The following PPL variants were observed in gnomAD, a reference collection of about 807,000 sequenced individuals.
PPL encodes the protein 190 kDa paraneoplastic pemphigus antigen.
In PPL, 198 loss-of-function variants were observed where a neutral mutation model predicts 194.4. The observed-to-expected ratio is 1.02, with a 90% confidence interval of 0.91 to 1.15. The LOEUF (loss-of-function observed/expected upper bound fraction) is 1.15, where lower values mean the gene tolerates loss of function less well. Among genes scored for constraint, PPL ranks in the 50% most tolerant of loss-of-function variants. The pLI, the probability that PPL is intolerant of heterozygous loss-of-function variation, is 0.00. For missense variants in PPL, 2,885 were observed against 2,294.8 expected (o/e 1.26, Z -5.25); for synonymous variants, 1,220 against 972.4 (o/e 1.25, Z -4.74).
intron 1 of PPL, among the ~76,000 whole-genome samples, chr16:4,925,481 C>T (rs1476687229): frequency 1.3e-5 from 2 of 152,206 alleles, no homozygotes; most frequent in Non-Finnish European, 2.9e-5. Context: ...AGTAGCCACC[C>T]TTAGTGTTAC....
chr16:4,893,180 C>T, intron 14 of PPL, 33 bp downstream of exon 14: 1 of 1,503,178 alleles, frequency 6.7e-7, no homozygotes, highest in South Asian at 1.2e-5. Flanking sequence ...CAGGGCTCCC[C>T]CGGCCCCACC....
chr16:4,901,578 A>C (rs1662465764), intron 4 of PPL, among the ~76,000 whole-genome samples: 1 of 152,058 alleles, frequency 6.6e-6, no homozygotes, highest in African/African-American at 2.4e-5. Flanking sequence ...AATCCCAGCT[A>C]CTTGAGAGGC....
At chr16:4,912,601 G>A (rs1217783941) in intron 1 of PPL, among the ~76,000 whole-genome samples, 2 of 152,244 alleles carry the variant, frequency 1.3e-5, no homozygotes, top group Admixed American at 6.5e-5. Flanking sequence ...AGAGTTAAAT[G>A]TGTTTACAAA....
At chr16:4,906,692 A>G (rs1209660263) in intron 2 of PPL, among the ~76,000 whole-genome samples, 2 of 152,262 alleles carry the variant, frequency 1.3e-5, no homozygotes, top group Admixed American at 6.5e-5. Context: ...GAAAGAGAAC[A>G]TCTAGCTGAG....
Position 4,885,779 on chromosome 16 carries a change from T to C in PPL, c.2876A>G (p.Glu959Gly). 2.5e-6 allele frequency: 4 copies of C among 1,610,744 alleles called. No individual in the cohort carries two copies. The highest frequency in any genetic ancestry group is 3.4e-6 in the Non-Finnish European group (4 of 1,180,002). ...SFQQLQRTLAEEQHKNQLLQE... is the reference protein window; with the variant it reads ...SFQQLQRTLAGEQHKNQLLQE... ...CAGCAGCTGGTTCTTGTGCTGCTCC[T>C]CTGCCAGCGTCCGCTGCAGCTGCTG... Residue 959 changes from glutamate to glycine, a missense_variant, in exon 22 of 22, where the codon GAG becomes GGG. By Grantham distance (98) the Glu-to-Gly change is moderately conservative (BLOSUM62 -2). Transcript: ENST00000345988. The surrounding 1 kb of genome is among the most constrained non-coding windows in gnomAD (Gnocchi z 6.3).
At chr16:4,906,085 G>C (rs142074259) in intron 2 of PPL, among the ~76,000 whole-genome samples, 1,527 of 152,232 alleles carry the variant, frequency 0.01, 25 homozygotes, top group African/African-American at 0.034. Flanking sequence ...TCCAGCCTTG[G>C]CGACAGAGCG....
chr16:4,898,126 G>A (rs749957775), intron 8 of PPL, among the ~76,000 whole-genome samples: 4 of 152,102 alleles, frequency 2.6e-5, no homozygotes, highest in African/African-American at 4.8e-5. Flanking sequence ...ACCTGTAATC[G>A]CAGCACTTTG....
intron 2 of PPL, among the ~76,000 whole-genome samples, chr16:4,905,204 A>G (rs2088658368): frequency 1.3e-5 from 2 of 152,164 alleles, no homozygotes; most frequent in Admixed American, 1.3e-4. Context: ...CCATCTCTAT[A>G]ATGGGCATAA....
intron 1 of PPL, among the ~76,000 whole-genome samples, chr16:4,920,688 C>T (rs142778610): frequency 1.3e-5 from 2 of 152,138 alleles, no homozygotes; most frequent in Non-Finnish European, 1.5e-5. Context: ...GTCTTGAACT[C>T]CTGATCAGGT....
intron 2 of PPL, among the ~76,000 whole-genome samples, chr16:4,904,801 G>T (rs947254501): frequency 3.3e-5 from 5 of 152,122 alleles, no homozygotes; most frequent in Non-Finnish European, 5.9e-5. Context: ...GACAGCAAGG[G>T]TGTGGGCTGG....
At chr16:4,923,989 G>T (rs1441240490) in intron 1 of PPL, among the ~76,000 whole-genome samples, 1 of 152,154 alleles carries the variant, frequency 6.6e-6, no homozygotes, top group African/African-American at 2.4e-5. Flanking sequence ...ACCTGTCTCA[G>T]CCTTAATTTC....
intron 1 of PPL, among the ~76,000 whole-genome samples, chr16:4,932,330 C>A (rs528429225): frequency 2.3e-4 from 35 of 152,224 alleles, no homozygotes; most frequent in Non-Finnish European, 4.7e-4. Flanking sequence ...GGCGTTCCTA[C>A]CAACACTGAT....
At position 4,891,928 on chromosome 16, in the gene PPL, C is replaced by T. The variant is rs1288273703; in HGVS notation, c.1851G>A (p.Leu617=). The change falls in exon 16 of 22, where the codon CTG becomes CTA. Residue 617 remains leucine, a synonymous_variant. Transcript: ENST00000345988. The part of the protein sequence containing the change: ...AQEKVDVANR[L]EKSLQQSWEL... ...CCCAGCTCTGCTGCAGGCTCTTCTCCAGGCGGTTGGCCACATCAACCCTGA... is the reference window on the plus strand; with the variant it reads ...CCCAGCTCTGCTGCAGGCTCTTCTCTAGGCGGTTGGCCACATCAACCCTGA... 2.7e-5 allele frequency: 43 copies of T among 1,613,142 alleles called. No individual in the cohort carries two copies. The highest frequency in any genetic ancestry group is 3.6e-5 in the Non-Finnish European group (42 of 1,179,936).
intron 2 of PPL, 93 bp from the exon 3 acceptor site, chr16:4,904,133 G>A (rs746805749): frequency 3.1e-5 from 42 of 1,340,902 alleles, no homozygotes; most frequent in Non-Finnish European, 3.7e-5. Context: ...TCAGCAGGGT[G>A]CTCCCCTTCT....
In PPL at chr16:4,904,025, G is replaced by A; in HGVS notation, c.178C>T (p.Gln60Ter). The A allele has an allele frequency of 1.2e-6, 2 of 1,612,156 alleles. No homozygotes were observed. The highest frequency in any genetic ancestry group is 1.6e-4 in the Middle Eastern group (1 of 6,062). ...CGGTGCTCAGGCTGCCGACCCTCCT[G>A]CAGCCGAGCCAGGTCCTGTGAGGGT... is the stretch of plus-strand genomic sequence containing the variant. ...AKMQSDLARL[Q>*]EGRQPEHRDV... The change falls in exon 3 of 22, where the codon CAG becomes TAG. Residue 60 changes from glutamine (Q) to a stop codon, truncating the protein, a stop_gained. Coordinates refer to ENST00000345988, the MANE Select transcript of PPL (RefSeq NM_002705.5). LOFTEE classifies it high-confidence loss of function.
chr16:4,887,721 A>G (rs1255029451), intron 20 of PPL, among the ~76,000 whole-genome samples: 1 of 151,626 alleles, frequency 6.6e-6, no homozygotes, highest in Non-Finnish European at 1.5e-5. Context: ...TCCCTCCTCA[A>G]CCTCCCAAGT....
At chr16:4,893,704 A>G in intron 12 of PPL, 66 bp from the exon 13 acceptor site, 1 of 1,378,436 alleles carries the variant, frequency 7.3e-7, no homozygotes, top group Non-Finnish European at 9.9e-7. Context: ...CAGAGGCGGG[A>G]CTGCGGACTC....
rs778157908 is a variant in PPL, at chr16:4,900,869, C to T, written c.567G>A (p.Glu189=). 3 of 1,614,172 alleles carry T rather than the reference C, an allele frequency of 1.9e-6. No individual in the cohort carries two copies. Among genetic ancestry groups the T allele is most frequent in the East Asian group, 4.5e-5 (2 of 44,872 alleles). ...GPHLAKDGDK[E]QNSELRAKYQ... ...ACTTGGCCCGGAGTTCGCTGTTCTG[C>T]TCCTGAGGACAGAGCCGAGGGCATG... is the stretch of plus-strand genomic sequence containing the variant. Residue 189 remains glutamate, a splice_region_variant and synonymous_variant, in exon 6 of 22, where the codon GAG becomes GAA. Transcript: ENST00000345988.
chr16:4,898,621 G>A (rs1026829440), intron 8 of PPL, among the ~76,000 whole-genome samples: 11 of 152,168 alleles, frequency 7.2e-5, no homozygotes, highest in African/African-American at 2.7e-4. Context: ...CCAGAAGCCG[G>A]AAGAGCAAGG....
Sources: allele counts gnomAD v4.1 joint callset (sites outside exome capture counted in the v4.1 genomes callset), GRCh38; gene constraint gnomAD v4.1.1; non-coding constraint Gnocchi (gnomAD v3.1); transcripts MANE v1.5; gene names NCBI Gene and HGNC (gene_info 2026-07-23, HGNC 2026-07-21).